The following TMEM132B variants were observed in gnomAD, a reference collection of about 807,000 sequenced individuals.
TMEM132B encodes the protein transmembrane protein 132B.
Under a neutral mutation model 90.8 loss-of-function variants are expected in TMEM132B, and 18 were observed. The observed-to-expected ratio is 0.20, with a 90% CI of 0.14 to 0.29. The LOEUF is 0.29. Ranked by LOEUF, TMEM132B falls within the 10% of genes least tolerant of loss-of-function variation. TMEM132B has a pLI of 1.00. For missense variants in TMEM132B, 1,096 were observed against 1,326.8 expected (o/e 0.83, Z 2.70); for synonymous variants, 504 against 523.3 (o/e 0.96, Z 0.50).
At chr12:125,353,652 T>C (rs80062963) in intron 2 of TMEM132B, among the ~76,000 whole-genome samples, 10,445 of 152,236 alleles carry the variant, frequency 0.069, 1,164 homozygotes, top group African/African-American at 0.24. Flanking sequence ...AGTCAAGTAG[T>C]GTGTCCAGGG....
rs1879970793 is a variant in TMEM132B at position 125,415,074 on chromosome 12, A to G, written c.960-457A>G. ...GGTGCTCCCGTCCATTCCTGCTCCC[A>G]GAGTGCCCAGTGCAATGGCCTCCTC... On this transcript the variant is annotated intron_variant, in intron 2 of 8. Coordinates refer to ENST00000682704, the MANE Select transcript of TMEM132B (RefSeq NM_001366854.1). This position sits in a 1 kb window ranked among gnomAD's most constrained non-coding sequence, Gnocchi z 5.3. 6.6e-6 allele frequency among the ~76,000 whole-genome samples: 1 copy of G among 152,158 alleles called. No individual in the cohort carries two copies. The highest frequency in any genetic ancestry group is 2.4e-5 in the African/African-American group (1 of 41,438).
At chr12:125,207,220 A>C (rs767112201) in intron 1 of TMEM132B, among the ~76,000 whole-genome samples, 1 of 152,214 alleles carries the variant, frequency 6.6e-6, no homozygotes, top group Non-Finnish European at 1.5e-5. Flanking sequence ...GGCCGGTAGC[A>C]CTGGGTCCTC....
intron 4 of TMEM132B, among the ~76,000 whole-genome samples, chr12:125,524,810 A>T (rs762946984): frequency 2.6e-5 from 4 of 152,172 alleles, no homozygotes; most frequent in African/African-American, 9.6e-5. Context: ...TGATTTGCTG[A>T]GTCAGACACA....
chr12:125,601,725 TAAA>T (rs1885575884), intron 5 of TMEM132B, among the ~76,000 whole-genome samples: 1 of 151,792 alleles, frequency 6.6e-6, no homozygotes, highest in Non-Finnish European at 1.5e-5. Flanking sequence ...GCTAGACTAA[TAAA>T]GAAGAAAAGA....
chr12:125,230,094 A>G (rs898139689), intron 1 of TMEM132B, among the ~76,000 whole-genome samples: 7 of 152,244 alleles, frequency 4.6e-5, no homozygotes, highest in Non-Finnish European at 1.0e-4. Flanking sequence ...TGAACAGAAG[A>G]AGGAGGACTG....
intron 4 of TMEM132B, among the ~76,000 whole-genome samples, chr12:125,578,383 A>G (rs1394419811): frequency 6.6e-6 from 1 of 152,174 alleles, no homozygotes; most frequent in African/African-American, 2.4e-5. Flanking sequence ...TACAAATTGC[A>G]TCTTTCTGCA....
intron 1 of TMEM132B, among the ~76,000 whole-genome samples, chr12:125,255,285 TTCTC>T (rs151173221): frequency 9.3e-5 from 14 of 149,752 alleles, no homozygotes; most frequent in Admixed American, 5.3e-4. Context: ...CTTTCTTTCT[TTCTC>T]TCTCTCTCTC....
At position 125,280,305 on chromosome 12, in the gene TMEM132B, A is replaced by G. The variant is rs143017710; in HGVS notation, c.68-69147A>G. 9.2e-5 allele frequency among the ~76,000 whole-genome samples: 14 copies of G among 152,348 alleles called. No individual in the cohort carries two copies. In the East Asian group the frequency reaches 2.3e-3, roughly 25 times the overall value. On this transcript the variant is annotated intron_variant, in intron 1 of 8. Transcript: ENST00000682704. ...TACCCTGATCTGATCACCATGCATTATTTGTATAAAAACTTCACTATGTAC... is the reference window on the plus strand; with the variant it reads ...TACCCTGATCTGATCACCATGCATTGTTTGTATAAAAACTTCACTATGTAC...
At chr12:125,241,572 C>T (rs530245539) in intron 1 of TMEM132B, among the ~76,000 whole-genome samples, 8 of 152,272 alleles carry the variant, frequency 5.3e-5, no homozygotes, top group African/African-American at 1.4e-4. Context: ...CCTTTCTGTA[C>T]GACAGTGGGT....
chr12:125,236,746 C>A (rs1873945245), intron 1 of TMEM132B, among the ~76,000 whole-genome samples: 1 of 152,268 alleles, frequency 6.6e-6, no homozygotes, highest in South Asian at 2.1e-4. Flanking sequence ...CCTTTCCTGG[C>A]CACTTACCCT....
rs144386270 is a variant in TMEM132B, at chr12:125,215,019, C to T, written c.67+28153C>T. ...AGCCCTCACTGGCTCCATAACACCA[C>T]TCTCTCCTTGTCCCTTGAGGCTCAA... On this transcript the variant is annotated intron_variant, in intron 1 of 8. Coordinates refer to ENST00000682704, the MANE Select transcript of TMEM132B (RefSeq NM_001366854.1). Among the ~76,000 whole-genome samples, 16 of 152,334 alleles carry T rather than the reference C, an allele frequency of 1.1e-4. No homozygotes were observed. In the East Asian group the frequency reaches 2.3e-3, roughly 22 times the overall value.
intron 1 of TMEM132B, among the ~76,000 whole-genome samples, chr12:125,285,237 C>A (rs568932713): frequency 1.3e-5 from 2 of 152,290 alleles, no homozygotes; most frequent in East Asian, 3.9e-4. Context: ...GTGGAGTTAA[C>A]CTTCCTAAGA....
chr12:125,473,772 T>C (rs1465721357), intron 3 of TMEM132B, among the ~76,000 whole-genome samples: 2 of 152,202 alleles, frequency 1.3e-5, no homozygotes, highest in Admixed American at 1.3e-4. Flanking sequence ...CACAGTTGAC[T>C]AAAAAGACAC....
intron 2 of TMEM132B, among the ~76,000 whole-genome samples, chr12:125,374,238 A>C (rs1302764840): frequency 6.6e-6 from 1 of 152,208 alleles, no homozygotes; most frequent in Non-Finnish European, 1.5e-5. Context: ...TATGAAGAAC[A>C]CTGTTAGTGC....
At chr12:125,198,007 C>T (rs1047673138) in intron 1 of TMEM132B, among the ~76,000 whole-genome samples, 1 of 152,164 alleles carries the variant, frequency 6.6e-6, no homozygotes, top group African/African-American at 2.4e-5. Context: ...CAGAAGACCC[C>T]TTGTAGGGAG....
At chr12:125,517,194 A>G (rs1477268511) in intron 3 of TMEM132B, among the ~76,000 whole-genome samples, 2 of 149,834 alleles carry the variant, frequency 1.3e-5, no homozygotes, top group Non-Finnish European at 3.0e-5. Flanking sequence ...ACAGTTTCGC[A>G]CTTTCACCCA....
At chr12:125,461,908 T>C (rs1881446646) in intron 3 of TMEM132B, among the ~76,000 whole-genome samples, 2 of 152,222 alleles carry the variant, frequency 1.3e-5, no homozygotes, top group African/African-American at 4.8e-5. Context: ...CGCTGTGCTG[T>C]TCAATCTTCA....
chr12:125,650,580 A>G lies in TMEM132B; in HGVS notation c.1644-103A>G, dbSNP rs11058281. Reference sequence around the variant, plus strand: ...GAGCAGGTCCTGCAGGAGAAGGACCATTTCATTTCATTCTGTGGGCTCACC... The same window carrying G: ...GAGCAGGTCCTGCAGGAGAAGGACCGTTTCATTTCATTCTGTGGGCTCACC... On this transcript the variant is annotated intron_variant, in intron 6 of 8. Coordinates refer to ENST00000682704, the MANE Select transcript of TMEM132B (RefSeq NM_001366854.1). 7,577 of 1,358,582 alleles carry G rather than the reference A, an allele frequency of 5.6e-3. 30 individuals are homozygous for G. Among genetic ancestry groups the G allele is most frequent in the Non-Finnish European group, 6.4e-3 (6,355 of 994,154 alleles). The allele number at this position is 1,358,582 out of a possible 1,614,324, so 84.2% of individuals were successfully genotyped here. A position where few individuals can be genotyped will look rare whatever the true frequency, so the allele number is the denominator to read the frequency against.
At chr12:125,603,711 G>A (rs1885622516) in intron 5 of TMEM132B, among the ~76,000 whole-genome samples, 1 of 152,134 alleles carries the variant, frequency 6.6e-6, no homozygotes, top group South Asian at 2.1e-4. Context: ...ATCTGACAAA[G>A]ATCTAATATC....
Sources: allele counts gnomAD v4.1 joint callset (sites outside exome capture counted in the v4.1 genomes callset), GRCh38; gene constraint gnomAD v4.1.1; non-coding constraint Gnocchi (gnomAD v3.1); transcripts MANE v1.5; gene names NCBI Gene and HGNC (gene_info 2026-07-23, HGNC 2026-07-21).